Variants in TOM1L2 observed in about 807,000 individuals in gnomAD.
The protein encoded by TOM1L2 is TOM1-like protein 2.
A neutral mutation model predicts 67.9 loss-of-function variants in TOM1L2; 31 were observed. That is an observed-to-expected ratio of 0.46 (90% CI 0.34 to 0.62). The LOEUF (loss-of-function observed/expected upper bound fraction) is 0.62, where lower values mean the gene tolerates loss of function less well. Among genes scored for constraint, TOM1L2 ranks in the 20% least tolerant of loss-of-function variants. The pLI is 0.01. For missense variants in TOM1L2, 606 were observed against 663.5 expected, an observed-to-expected ratio of 0.91 and a Z score of 0.95; for synonymous variants, 256 against 254.0, an observed-to-expected ratio of 1.01 and a Z score of -0.07.
In TOM1L2 at chr17:17,847,297, T is replaced by G; in HGVS notation, c.*338A>C. 3.2e-6 allele frequency: 1 copy of G among 317,318 alleles called. No individual in the cohort carries two copies. Among genetic ancestry groups the G allele is most frequent in the Non-Finnish European group, 5.9e-6 (1 of 169,992 alleles). The allele number at this position is 317,318 out of a possible 1,614,324, so 19.7% of individuals were successfully genotyped here. A position where few individuals can be genotyped will look rare whatever the true frequency, so the allele number is the denominator to read the frequency against. ...CGGGGCCGGGCGTGCTCTTTCTCCATGGGCGGGTGGAGGAAAGACAGTCCG... is the reference window on the plus strand; with the variant it reads ...CGGGGCCGGGCGTGCTCTTTCTCCAGGGGCGGGTGGAGGAAAGACAGTCCG... On this transcript the variant is annotated 3_prime_UTR_variant, in exon 15 of 15. Coordinates refer to ENST00000379504, the MANE Select transcript of TOM1L2 (RefSeq NM_001082968.2).
At chr17:17,908,533 A>G (rs2039195784) in intron 1 of TOM1L2, among the ~76,000 whole-genome samples, 1 of 152,240 alleles carries the variant, frequency 6.6e-6, no homozygotes, top group South Asian at 2.1e-4. Context: ...GCAAAATTAT[A>G]TATATGATAA....
intron 1 of TOM1L2, among the ~76,000 whole-genome samples, chr17:17,964,418 G>A (rs2041805553): frequency 6.6e-6 from 1 of 152,212 alleles, no homozygotes; most frequent in South Asian, 2.1e-4. Flanking sequence ...GCTAAAAGTT[G>A]TTCTACAATG....
chr17:17,850,778 TCTC>T, intron 13 of TOM1L2, 112 bp downstream of exon 13: 1 of 1,157,446 alleles, frequency 8.6e-7, no homozygotes, highest in Non-Finnish European at 1.3e-6. Context: ...AGACCTCCCT[TCTC>T]CACTGACCCA....
chr17:17,882,946 CT>C (rs2037807967), intron 5 of TOM1L2, 83 bp from the exon 6 acceptor site: 1 of 1,541,540 alleles, frequency 6.5e-7, no homozygotes, highest in African/African-American at 1.4e-5. Flanking sequence ...CCATGCAGCA[CT>C]TCCCCAAGGC....
At chr17:17,850,716 C>T (rs1309201131) in intron 13 of TOM1L2, among the ~76,000 whole-genome samples, 177 bp downstream of exon 13, 1 of 152,174 alleles carries the variant, frequency 6.6e-6, no homozygotes, top group East Asian at 1.9e-4. Flanking sequence ...CACTGCAGCA[C>T]CCACAGCTAT....
intron 1 of TOM1L2, among the ~76,000 whole-genome samples, chr17:17,940,192 C>CAAAAA (rs34433429): frequency 3.1e-4 from 10 of 32,602 alleles, no homozygotes; most frequent in African/African-American, 7.9e-4. Flanking sequence ...GACTCTATCT[C>CAAAAA]AAAAAAAAAA....
chr17:17,971,150 A>G (rs184690664), intron 1 of TOM1L2, among the ~76,000 whole-genome samples: 74 of 152,280 alleles, frequency 4.9e-4, no homozygotes, highest in African/African-American at 1.7e-3. Context: ...CATTGCCAAC[A>G]AAAGATTTCA....
chr17:17,904,125 A>C (rs2038982355), intron 2 of TOM1L2, among the ~76,000 whole-genome samples: 1 of 152,136 alleles, frequency 6.6e-6, no homozygotes, highest in Non-Finnish European at 1.5e-5. Flanking sequence ...GAGCCACTGC[A>C]CCTTGCTAGG....
intron 4 of TOM1L2, among the ~76,000 whole-genome samples, chr17:17,888,047 T>C (rs1323627174): frequency 6.6e-6 from 1 of 152,092 alleles, no homozygotes; most frequent in African/African-American, 2.4e-5. Flanking sequence ...ACTCTTGGAG[T>C]GCTTAACCTG....
chr17:17,886,293 C>T (rs1160054214), intron 4 of TOM1L2, among the ~76,000 whole-genome samples: 3 of 152,244 alleles, frequency 2.0e-5, no homozygotes, highest in African/African-American at 7.2e-5. Flanking sequence ...CCCTGATGCA[C>T]TTATTTAATT....
intron 8 of TOM1L2, among the ~76,000 whole-genome samples, chr17:17,868,416 A>C (rs1020249402): frequency 6.6e-6 from 1 of 152,204 alleles, no homozygotes; most frequent in South Asian, 2.1e-4. Flanking sequence ...ACCCTAACTG[A>C]TGCCAGGTCC....
chr17:17,968,645 A>C (rs1343145314), intron 1 of TOM1L2, among the ~76,000 whole-genome samples: 2 of 145,586 alleles, frequency 1.4e-5, no homozygotes, highest in Non-Finnish European at 3.0e-5. Flanking sequence ...AGCCTGGGTG[A>C]TGAAGTGAGA....
chr17:17,869,287 A>G, intron 8 of TOM1L2, 53 bp downstream of exon 8: 1 of 1,594,124 alleles, frequency 6.3e-7, no homozygotes, highest in Non-Finnish European at 8.5e-7. Context: ...TCCCTCTGTT[A>G]TGGCAACAAT....
At chr17:17,885,409 G>A (rs1356728978) in intron 4 of TOM1L2, among the ~76,000 whole-genome samples, 2 of 152,212 alleles carry the variant, frequency 1.3e-5, no homozygotes. Context: ...GCTAGACCCA[G>A]GCCAGACTGG....
At chr17:17,914,117 G>A (rs913915536) in intron 1 of TOM1L2, among the ~76,000 whole-genome samples, 2 of 152,220 alleles carry the variant, frequency 1.3e-5, no homozygotes, top group Admixed American at 6.5e-5. Context: ...CCTGCTGTGT[G>A]TGACCCAGGT....
rs1402784514 is a variant in TOM1L2 at position 17,915,859 on chromosome 17, GGTT to G, written c.53-8331_53-8329del. Among the ~76,000 whole-genome samples, 18 of 130,254 alleles carry G rather than the reference GGTT, an allele frequency of 1.4e-4. No individual in the cohort carries two copies. In the South Asian group the frequency reaches 4.4e-3, roughly 32 times the overall value. The allele number at this position is 130,254 out of a possible 152,430, so 85.5% of individuals were successfully genotyped here. A position where few individuals can be genotyped will look rare whatever the true frequency, so the allele number is the denominator to read the frequency against. On this transcript the variant is annotated intron_variant, in intron 1 of 14. Coordinates refer to ENST00000379504, the MANE Select transcript of TOM1L2 (RefSeq NM_001082968.2). The stretch of plus-strand genomic sequence containing the variant: ...TGAGTAGGTTTTTTTTTTTTTTTTT[GGTT>G]GTTAAGCTGTAAGAGTTCTTTATAT...
chr17:17,957,955 T>G (rs933186115), intron 1 of TOM1L2, among the ~76,000 whole-genome samples: 13 of 151,034 alleles, frequency 8.6e-5, no homozygotes, highest in African/African-American at 2.9e-4. Context: ...CCGGGCGTGG[T>G]GGTGGGCGCC....
chr17:17,907,836 C>G (rs534045190), intron 1 of TOM1L2, among the ~76,000 whole-genome samples: 3 of 152,270 alleles, frequency 2.0e-5, no homozygotes, highest in Admixed American at 6.5e-5. Flanking sequence ...GAGTCTGGAG[C>G]CAAACTACCT....
chr17:17,946,227 T>C (rs1460631399), intron 1 of TOM1L2, among the ~76,000 whole-genome samples: 1 of 152,160 alleles, frequency 6.6e-6, no homozygotes, highest in Non-Finnish European at 1.5e-5. Context: ...TTACATACCA[T>C]GAAATCTACC....
Sources: gnomAD v4.1 joint callset for allele counts (sites outside exome capture counted in the v4.1 genomes callset) on GRCh38, gnomAD v4.1.1 for gene constraint, MANE v1.5 for transcripts, NCBI Gene and HGNC (gene_info 2026-07-23, HGNC 2026-07-21) for gene names.